DPYS: variants seen among roughly 807,000 people sequenced by gnomAD.
DPYS encodes the protein dihydropyrimidine amidohydrolase.
DPYS carries 39 observed loss-of-function variants against 50.3 expected under a neutral mutation model. That is an observed-to-expected ratio of 0.78 (90% CI 0.60 to 1.01). The LOEUF is 1.01. Among genes scored for constraint, DPYS ranks in the 50% least tolerant of loss-of-function variants. The pLI, the probability that DPYS is intolerant of heterozygous loss-of-function variation, is 0.00. For missense variants in DPYS, 659 were observed against 680.9 expected (o/e 0.97, Z 0.36); for synonymous variants, 245 against 250.7 (o/e 0.98, Z 0.22).
At chr8:104,444,911 A>G (rs1009499302) in intron 3 of DPYS, among the ~76,000 whole-genome samples, 14 of 152,198 alleles carry the variant, frequency 9.2e-5, no homozygotes, top group African/African-American at 3.4e-4. Context: ...AAACAACTCT[A>G]CAGGAAAAAA....
intron 7 of DPYS, among the ~76,000 whole-genome samples, chr8:104,413,815 C>G (rs971938228): frequency 3.9e-5 from 6 of 152,142 alleles, no homozygotes. Context: ...TATTCCTGCT[C>G]TGATGGTATT....
chr8:104,459,474 G>C (rs1375844179), intron 1 of DPYS, among the ~76,000 whole-genome samples: 1 of 152,162 alleles, frequency 6.6e-6, no homozygotes, highest in Non-Finnish European at 1.5e-5. Flanking sequence ...CTGGCACTTA[G>C]TGGGTTTCCA....
rs1324809551 is a variant in DPYS at position 104,392,907 on chromosome 8, A to G, written c.1320T>C (p.Thr440=). 7 of 1,614,092 alleles carry G rather than the reference A, an allele frequency of 4.3e-6. No individual in the cohort carries two copies. The highest frequency in any genetic ancestry group is 5.9e-6 in the Non-Finnish European group (7 of 1,180,038). ...GMVCHGVPLV[T]ISRGKVVYEA... is the part of the protein sequence containing the mutation. ...CATATACCACTTTGCCTCTTGAAAT[A>G]GTCACAAGGGGCACCCCGTGGCAAA... Residue 440 remains threonine, a synonymous_variant, in exon 8 of 10, where the codon ACT becomes ACC. Coordinates refer to ENST00000351513, the MANE Select transcript of DPYS (RefSeq NM_001385.3).
intron 5 of DPYS, 130 bp downstream of exon 5, chr8:104,429,415 C>A: frequency 8.0e-7 from 1 of 1,249,336 alleles, no homozygotes; most frequent in South Asian, 1.3e-5. Context: ...TGAGGGGTAC[C>A]CAGGACCTGA....
chr8:104,459,324 T>C (rs1814039404), intron 1 of DPYS, among the ~76,000 whole-genome samples: 1 of 152,206 alleles, frequency 6.6e-6, no homozygotes, highest in South Asian at 2.1e-4. Flanking sequence ...CAAAGCAAAG[T>C]CTATAAAGCC....
chr8:104,454,456 T>C (rs1051924283), intron 1 of DPYS, among the ~76,000 whole-genome samples: 5 of 152,190 alleles, frequency 3.3e-5, no homozygotes, highest in Admixed American at 6.5e-5. Flanking sequence ...TCTGTGAACA[T>C]ACTAAAAGCC....
At chr8:104,406,957 C>T (rs1030671370) in intron 7 of DPYS, among the ~76,000 whole-genome samples, 1 of 152,164 alleles carries the variant, frequency 6.6e-6, no homozygotes, top group African/African-American at 2.4e-5. Flanking sequence ...AAGCATTCAC[C>T]CTTGACATTT....
At chr8:104,419,419 A>G (rs910562891) in intron 7 of DPYS, 3 of 152,202 alleles carry the variant, frequency 2.0e-5, no homozygotes, top group African/African-American at 7.2e-5. Flanking sequence ...TAAAACAAAA[A>G]TCGAGAGCAT....
rs185338828 is a variant in DPYS, at chr8:104,381,133, A to G, written c.*14+51T>C. 3,702 of 1,455,600 alleles carry G rather than the reference A, an allele frequency of 2.5e-3. 75 individuals are homozygous for G. The highest frequency in any genetic ancestry group is 4.7e-4 in the Non-Finnish European group (487 of 1,037,838). 90.2% of individuals were successfully genotyped at this position (1,455,600 alleles called of 1,614,324 possible). The stretch of plus-strand genomic sequence containing the variant: ...TTCAACCCTTATGAGGAGAGATGCT[A>G]ATTTCATATGCTGTCATGCAGGAAG... On this transcript the variant is annotated intron_variant, in intron 9 of 9. Coordinates refer to ENST00000351513, the MANE Select transcript of DPYS (RefSeq NM_001385.3).
chr8:104,444,022 TAAC>T (rs1378184411), intron 4 of DPYS, among the ~76,000 whole-genome samples: 1 of 151,252 alleles, frequency 6.6e-6, no homozygotes, highest in Non-Finnish European at 1.5e-5. Context: ...GGAGAAGAAA[TAAC>T]AAATAAAACA....
At chr8:104,457,774 C>G (rs1813979643) in intron 1 of DPYS, among the ~76,000 whole-genome samples, 1 of 152,246 alleles carries the variant, frequency 6.6e-6, no homozygotes, top group South Asian at 2.1e-4. Context: ...GTAAAGATGT[C>G]TTGCACATTC....
chr8:104,408,419 G>A (rs913806461), intron 7 of DPYS, among the ~76,000 whole-genome samples: 4 of 152,072 alleles, frequency 2.6e-5, no homozygotes, highest in Non-Finnish European at 5.9e-5. Context: ...AAACCTCAAT[G>A]ACTAATAAAC....
chr8:104,421,141 G>A (rs1282831353), intron 7 of DPYS: 1 of 152,136 alleles, frequency 6.6e-6, no homozygotes, highest in Non-Finnish European at 1.5e-5. Flanking sequence ...GTCTGGCACC[G>A]AGGTGTACAC....
chr8:104,429,215 T>C (rs376903670), intron 5 of DPYS: 5 of 309,454 alleles, frequency 1.6e-5, no homozygotes, highest in East Asian at 7.4e-5. Flanking sequence ...TATATCAGCA[T>C]AGAAAAAAAT....
intron 7 of DPYS, among the ~76,000 whole-genome samples, chr8:104,408,810 T>G (rs1588417916): frequency 6.9e-6 from 1 of 144,768 alleles, no homozygotes; most frequent in East Asian, 2.0e-4. Flanking sequence ...AAACATGTTT[T>G]TTTGTTTGTT....
intron 7 of DPYS, among the ~76,000 whole-genome samples, chr8:104,414,477 C>T (rs1248634762): frequency 6.6e-6 from 1 of 151,984 alleles, no homozygotes; most frequent in East Asian, 1.9e-4. Context: ...GTCCAGAAAC[C>T]ATGCTTTGAG....
chr8:104,399,278 G>A (rs1415753404), intron 7 of DPYS, among the ~76,000 whole-genome samples: 1 of 111,494 alleles, frequency 9.0e-6, no homozygotes, highest in Admixed American at 1.2e-4. Context: ...GCAACAGAGT[G>A]AGACTCCATC....
At chr8:104,400,890 C>T (rs1283525987) in intron 7 of DPYS, among the ~76,000 whole-genome samples, 1 of 152,182 alleles carries the variant, frequency 6.6e-6, no homozygotes, top group Non-Finnish European at 1.5e-5. Flanking sequence ...ACATTCTGTC[C>T]CTTTGCAAAT....
At chr8:104,460,467 C>T (rs1814084902) in intron 1 of DPYS, among the ~76,000 whole-genome samples, 2 of 152,220 alleles carry the variant, frequency 1.3e-5, no homozygotes, top group South Asian at 4.1e-4. Flanking sequence ...CCGGTCATGC[C>T]TCCTGTACAG....
Sources: gnomAD v4.1 joint callset for allele counts (sites outside exome capture counted in the v4.1 genomes callset) on GRCh38, gnomAD v4.1.1 for gene constraint, MANE v1.5 for transcripts, NCBI Gene and HGNC (gene_info 2026-07-23, HGNC 2026-07-21) for gene names.